MLLT3: variants seen among roughly 807,000 people sequenced by gnomAD.
The protein encoded by MLLT3 is protein AF-9.
Under a neutral mutation model 53.2 loss-of-function variants are expected in MLLT3, and 4 were observed. That is an observed-to-expected ratio of 0.08 (90% CI 0.04 to 0.17). MLLT3 has a LOEUF of 0.17. MLLT3 is among the 10% of genes least tolerant of loss of function. MLLT3 has a pLI of 1.00. For missense variants in MLLT3, 569 were observed against 684.0 expected (o/e 0.83, Z 1.87); for synonymous variants, 283 against 230.6 (o/e 1.23, Z -2.06).
rs951918563 is a variant in MLLT3, at chr9:20,438,821, G to C, written c.420+9302C>G. Among the ~76,000 whole-genome samples, 3 of 152,212 alleles carry C rather than the reference G, an allele frequency of 2.0e-5. No individual in the cohort carries two copies. The Middle Eastern group carries it at 0.01, about 518-fold the overall frequency. On this transcript the variant is annotated intron_variant, in intron 4 of 10. Transcript: ENST00000380338. ...CTATCTTAAGTCACCACAAGTTCAT[G>C]TAAAGGCTGATATTTGTAAGGCCAA...
intron 7 of MLLT3, among the ~76,000 whole-genome samples, chr9:20,361,284 G>C (rs1001484001): frequency 6.6e-6 from 1 of 152,184 alleles, no homozygotes; most frequent in Non-Finnish European, 1.5e-5. Context: ...TTAGTTTGTT[G>C]ATTACTACCT....
intron 2 of MLLT3, among the ~76,000 whole-genome samples, chr9:20,505,368 C>A (rs1825357377): frequency 6.6e-6 from 1 of 152,138 alleles, no homozygotes; most frequent in South Asian, 2.1e-4. Flanking sequence ...TGGTGATCAC[C>A]TTATTTGCTA....
chr9:20,583,838 C>A (rs901277781), intron 2 of MLLT3, among the ~76,000 whole-genome samples: 5 of 152,152 alleles, frequency 3.3e-5, no homozygotes, highest in Non-Finnish European at 1.5e-5. Context: ...GAAGGCGCTG[C>A]CATGAAGGTC....
intron 5 of MLLT3, among the ~76,000 whole-genome samples, chr9:20,399,149 T>C (rs1466488675): frequency 6.6e-6 from 1 of 152,138 alleles, no homozygotes; most frequent in Non-Finnish European, 1.5e-5. Flanking sequence ...CCAAGACTTG[T>C]CTTATTTGTA....
intron 2 of MLLT3, among the ~76,000 whole-genome samples, chr9:20,602,970 G>A (rs1402049169): frequency 1.3e-5 from 2 of 151,996 alleles, no homozygotes; most frequent in Non-Finnish European, 2.9e-5. Context: ...TGGCTAACAT[G>A]TGGCTCTGAA....
chr9:20,418,080 C>T lies in MLLT3; in HGVS notation c.421-3655G>A, dbSNP rs140955165. ...ATTTGCATATAGACAAATAAACTCT[C>T]CCAGAAGAGTTTTACTTATCAAAAC... On this transcript the variant is annotated intron_variant, in intron 4 of 10. Coordinates refer to ENST00000380338, the MANE Select transcript of MLLT3 (RefSeq NM_004529.4). 4.6e-3 allele frequency among the ~76,000 whole-genome samples: 702 copies of T among 152,248 alleles called. 1 individual carries two copies. The highest frequency in any genetic ancestry group is 7.7e-3 in the Admixed American group (117 of 15,294).
chr9:20,346,341 G>T lies in MLLT3; in HGVS notation c.*102C>A. 8.7e-7 allele frequency: 1 copy of T among 1,152,546 alleles called. No individual in the cohort carries two copies. Among genetic ancestry groups the T allele is most frequent in the South Asian group, 1.8e-5 (1 of 55,996 alleles). 71.4% of individuals were successfully genotyped at this position (1,152,546 alleles called of 1,614,324 possible). A position where few individuals can be genotyped will look rare whatever the true frequency, so the allele number is the denominator to read the frequency against. On this transcript the variant is annotated 3_prime_UTR_variant, in exon 11 of 11. Coordinates refer to ENST00000380338, the MANE Select transcript of MLLT3 (RefSeq NM_004529.4). ...TTCCCTTTTGGTTGCATCATTTTGA[G>T]TGTTTTCATATAAACAACAAGAACA...
chr9:20,545,071 G>C (rs1368568230), intron 2 of MLLT3, among the ~76,000 whole-genome samples: 1 of 128,152 alleles, frequency 7.8e-6, no homozygotes, highest in African/African-American at 3.0e-5. Context: ...ATCCAGCCTG[G>C]GTGACACAGC....
intron 2 of MLLT3, among the ~76,000 whole-genome samples, chr9:20,564,444 T>C (rs1819296679): frequency 6.6e-6 from 1 of 152,132 alleles, no homozygotes; most frequent in African/African-American, 2.4e-5. Context: ...GTGTCTAGGA[T>C]CAGATGAGCA....
chr9:20,519,712 G>C (rs1818010723), intron 2 of MLLT3, among the ~76,000 whole-genome samples: 1 of 152,176 alleles, frequency 6.6e-6, no homozygotes, highest in African/African-American at 2.4e-5. Flanking sequence ...TGCTGGCAAG[G>C]TTGTGGAGAA....
In MLLT3 at chr9:20,413,761, T is replaced by C. The variant is rs754128335; in HGVS notation, c.1085A>G (p.Asn362Ser). 1.7e-4 allele frequency: 269 copies of C among 1,612,442 alleles called. No individual in the cohort carries two copies. Among genetic ancestry groups the C allele is most frequent in the Admixed American group, 3.9e-4 (23 of 59,736 alleles). Residue 362 changes from asparagine to serine, a missense_variant, in exon 5 of 11, where the codon AAT (asparagine) becomes AGT (serine). This residue lies in a region of MLLT3 where 437 missense variants were observed against 376.5 expected (regional missense o/e 1.16). Transcript: ENST00000380338. ...LPPFDDIVDP[N>S]DSDVEENISS... ...TATATTCTCCTCCACATCTGAATCA[T>C]TGGGATCCACAATATCATCAAATGG...
At chr9:20,608,890 T>C (rs1354677769) in intron 2 of MLLT3, among the ~76,000 whole-genome samples, 1 of 152,034 alleles carries the variant, frequency 6.6e-6, no homozygotes, top group Non-Finnish European at 1.5e-5. Context: ...AGATCACTTA[T>C]ATTAACATTC....
chr9:20,422,185 T>G (rs555300592), intron 4 of MLLT3, among the ~76,000 whole-genome samples: 66 of 152,232 alleles, frequency 4.3e-4, no homozygotes, highest in Middle Eastern at 3.4e-3. Context: ...ATGTGGCCAG[T>G]GCACAAAAAG....
At chr9:20,501,702 G>T (rs976843377) in intron 2 of MLLT3, among the ~76,000 whole-genome samples, 3 of 136,474 alleles carry the variant, frequency 2.2e-5, no homozygotes, top group Admixed American at 1.6e-4. Context: ...CGTGAGCCGA[G>T]ATTGCGCCAC....
intron 2 of MLLT3, among the ~76,000 whole-genome samples, chr9:20,547,644 CA>C (rs71334534): frequency 6.8e-4 from 84 of 122,868 alleles, no homozygotes; most frequent in African/African-American, 8.1e-4. Context: ...AACTCCATCT[CA>C]AAAAAAAAAA....
chr9:20,598,423 G>T (rs1476664264), intron 2 of MLLT3, among the ~76,000 whole-genome samples: 2 of 152,176 alleles, frequency 1.3e-5, no homozygotes, highest in African/African-American at 4.8e-5. Flanking sequence ...CTAACTAGAT[G>T]TGTAAATTTG....
chr9:20,588,741 G>C (rs923053508), intron 2 of MLLT3, among the ~76,000 whole-genome samples: 46 of 152,142 alleles, frequency 3.0e-4, no homozygotes, highest in African/African-American at 1.1e-3. Flanking sequence ...GGAGATTTTG[G>C]GCTGAGACAA....
intron 2 of MLLT3, among the ~76,000 whole-genome samples, chr9:20,482,840 G>A (rs758328411): frequency 6.6e-6 from 1 of 152,118 alleles, no homozygotes; most frequent in Non-Finnish European, 1.5e-5. Context: ...CTCTGTCCTT[G>A]CCATTTACTT....
chr9:20,528,634 T>C (rs1277298486), intron 2 of MLLT3, among the ~76,000 whole-genome samples: 1 of 152,184 alleles, frequency 6.6e-6, no homozygotes, highest in Non-Finnish European at 1.5e-5. Context: ...CATCACTCCA[T>C]GTGTGTCTCC....
Sources: gnomAD v4.1 joint callset for allele counts (sites outside exome capture counted in the v4.1 genomes callset) on GRCh38, gnomAD v4.1.1 for gene constraint, gnomAD v4.1.1 regional missense constraint, MANE v1.5 for transcripts, NCBI Gene and HGNC (gene_info 2026-07-23, HGNC 2026-07-21) for gene names.